The following SPATA17 variants were observed in gnomAD, a reference collection of about 807,000 sequenced individuals.
SPATA17 encodes the protein spermatogenesis-associated protein 17.
A neutral mutation model predicts 62.2 loss-of-function variants in SPATA17; 53 were observed. That is an observed-to-expected ratio of 0.85 (90% CI 0.68 to 1.07). SPATA17 has a LOEUF of 1.07. Ranked by LOEUF, SPATA17 falls within the 50% of genes least tolerant of loss-of-function variation. The pLI is 0.00. For synonymous variants in SPATA17, 146 were observed against 146.8 expected (o/e 0.99, Z 0.04); for missense variants, 466 against 425.5 (o/e 1.10, Z -0.84).
chr1:217,857,673 A>G (rs1390183853), intron 9 of SPATA17, among the ~76,000 whole-genome samples: 1 of 152,172 alleles, frequency 6.6e-6, no homozygotes, highest in African/African-American at 2.4e-5. Context: ...ACAAATGCTA[A>G]TCAACACCAG....
chr1:217,713,727 CG>C (rs1267658561), intron 5 of SPATA17, among the ~76,000 whole-genome samples: 2 of 152,122 alleles, frequency 1.3e-5, no homozygotes, highest in Admixed American at 6.6e-5. Flanking sequence ...AAGAAACAAA[CG>C]AAAGTGTGTA....
intron 9 of SPATA17, among the ~76,000 whole-genome samples, chr1:217,833,170 A>G (rs1675184085): frequency 6.6e-6 from 1 of 152,136 alleles, no homozygotes; most frequent in Admixed American, 6.6e-5. Context: ...AAAAGTCAGA[A>G]TCAAAAAGCT....
intron 9 of SPATA17, among the ~76,000 whole-genome samples, chr1:217,839,675 A>T (rs1366652582): frequency 1.3e-5 from 2 of 151,978 alleles, no homozygotes; most frequent in Non-Finnish European, 2.9e-5. Flanking sequence ...CAATCTTGCT[A>T]AAGGTAGCAA....
intron 8 of SPATA17, among the ~76,000 whole-genome samples, chr1:217,797,837 T>A (rs1286947971): frequency 6.6e-6 from 1 of 152,166 alleles, no homozygotes; most frequent in Non-Finnish European, 1.5e-5. Context: ...ATTTTCTTCA[T>A]CCCAATTTAA....
chr1:217,704,405 C>T (rs1359913357), intron 5 of SPATA17, among the ~76,000 whole-genome samples: 6 of 150,590 alleles, frequency 4.0e-5, no homozygotes, highest in East Asian at 1.9e-4. Context: ...CGCCCGCCAC[C>T]GCGCCCGGCT....
intron 9 of SPATA17, chr1:217,850,687 A>G: frequency 5.7e-6 from 8 of 1,403,198 alleles, no homozygotes; most frequent in East Asian, 4.7e-5. Context: ...ATGTCCAGCC[A>G]CAGGAACACC....
intron 3 of SPATA17, among the ~76,000 whole-genome samples, chr1:217,658,749 C>CTCTA (rs970968880): frequency 6.6e-6 from 1 of 151,984 alleles, no homozygotes; most frequent in African/African-American, 2.4e-5. Flanking sequence ...CAGAGCGAGA[C>CTCTA]TCTATCTCAA....
chr1:217,833,528 G>A (rs565258844), intron 9 of SPATA17, among the ~76,000 whole-genome samples: 1 of 152,156 alleles, frequency 6.6e-6, no homozygotes, highest in Non-Finnish European at 1.5e-5. Context: ...ACTAGTATAA[G>A]TCAAGTCACT....
rs1251664717 is a variant in SPATA17 at position 217,850,541 on chromosome 1, C to T, written c.1006-12233C>T. On this transcript the variant is annotated intron_variant, in intron 9 of 10. Coordinates refer to ENST00000366933, the MANE Select transcript of SPATA17 (RefSeq NM_138796.4). The stretch of plus-strand genomic sequence containing the variant: ...GGTCGGGGAGGATGCCTTCCTTATC[C>T]TGGATATTGGCCTTCACATTTTCGA... 5 of 1,590,746 alleles carry T rather than the reference C, an allele frequency of 3.1e-6. No homozygotes were observed. The Admixed American group carries it at 5.0e-5, about 16-fold the overall frequency.
intron 4 of SPATA17, among the ~76,000 whole-genome samples, chr1:217,677,685 A>G (rs1221132206): frequency 2.0e-5 from 3 of 152,088 alleles, no homozygotes; most frequent in Non-Finnish European, 4.4e-5. Flanking sequence ...ATCCCCATGT[A>G]AAAGTATATT....
At chr1:217,749,979 CTCTCTCTATATATATATATA>C (rs1672863911) in intron 6 of SPATA17, among the ~76,000 whole-genome samples, 1 of 30,900 alleles carries the variant, frequency 3.2e-5, no homozygotes, top group African/African-American at 1.3e-4. Context: ...CTCTCTCTCT[CTCTCTCTATATATATATATA>C]TATATATATA....
chr1:217,697,395 A>T (rs1037736540), intron 5 of SPATA17, among the ~76,000 whole-genome samples: 4 of 152,242 alleles, frequency 2.6e-5, no homozygotes, highest in African/African-American at 9.6e-5. Flanking sequence ...TAATTGTATT[A>T]CAGCAAGAAG....
At chr1:217,836,657 A>C (rs1247800397) in intron 9 of SPATA17, among the ~76,000 whole-genome samples, 2 of 152,076 alleles carry the variant, frequency 1.3e-5, no homozygotes, top group African/African-American at 4.8e-5. Context: ...TGTTTGTATT[A>C]TGAGATGTTT....
intron 4 of SPATA17, among the ~76,000 whole-genome samples, chr1:217,675,983 C>T (rs1670938227): frequency 6.6e-6 from 1 of 152,118 alleles, no homozygotes; most frequent in South Asian, 2.1e-4. Flanking sequence ...TACTCATACC[C>T]TGTTTACTTG....
intron 5 of SPATA17, among the ~76,000 whole-genome samples, chr1:217,703,193 T>C (rs1017558336): frequency 8.8e-5 from 12 of 136,478 alleles, no homozygotes; most frequent in Non-Finnish European, 1.3e-4. Context: ...TTTTTTGAAA[T>C]GGAGTCTCAC....
chr1:217,807,073 C>A (rs549650767), intron 9 of SPATA17, among the ~76,000 whole-genome samples: 13 of 152,002 alleles, frequency 8.6e-5, no homozygotes, highest in Admixed American at 3.9e-4. Flanking sequence ...TACTATACAG[C>A]CATAAAAAAT....
intron 2 of SPATA17, among the ~76,000 whole-genome samples, chr1:217,649,354 C>T (rs1670256590): frequency 6.6e-6 from 1 of 152,062 alleles, no homozygotes; most frequent in African/African-American, 2.4e-5. Context: ...TGGTGCACAT[C>T]TGTAATCCCA....
chr1:217,869,554 A>G lies in SPATA17; in HGVS notation c.*2535A>G, dbSNP rs938649229. 2 of 152,148 alleles carry G rather than the reference A, an allele frequency of 1.3e-5. No homozygotes were observed. The highest frequency in any genetic ancestry group is 2.1e-4 in the South Asian group (1 of 4,826). 9.4% of individuals were successfully genotyped at this position (152,148 alleles called of 1,614,324 possible). A position where few individuals can be genotyped will look rare whatever the true frequency, so the allele number is the denominator to read the frequency against. On this transcript the variant is annotated 3_prime_UTR_variant, in exon 11 of 11. Transcript: ENST00000366933. The stretch of plus-strand genomic sequence containing the variant: ...GGCCATTGCAAAATATGTCAAAAAT[A>G]TATATTTTAGGGTAAAATGCCTCAA...
At chr1:217,666,135 A>G (rs1009209462) in intron 3 of SPATA17, among the ~76,000 whole-genome samples, 6 of 152,154 alleles carry the variant, frequency 3.9e-5, no homozygotes, top group African/African-American at 1.4e-4. Flanking sequence ...GAGATCTTTC[A>G]TCTTCCCCTT....
Sources: allele counts gnomAD v4.1 joint callset (sites outside exome capture counted in the v4.1 genomes callset), GRCh38; gene constraint gnomAD v4.1.1; transcripts MANE v1.5; gene names NCBI Gene and HGNC (gene_info 2026-07-23, HGNC 2026-07-21).